The following TSHZ3 variants were observed in gnomAD, a reference collection of about 807,000 sequenced individuals.
TSHZ3 encodes the protein teashirt homolog 3.
In TSHZ3, 10 loss-of-function variants were observed where a neutral mutation model predicts 64.5. The observed-to-expected ratio is 0.16, with a 90% CI of 0.10 to 0.26. The LOEUF (loss-of-function observed/expected upper bound fraction) is 0.26. TSHZ3 is among the 10% of genes least tolerant of loss of function. The pLI, the probability that TSHZ3 is intolerant of heterozygous loss-of-function variation, is 1.00. For synonymous variants in TSHZ3, 608 were observed against 593.1 expected (o/e 1.03, Z -0.36); for missense variants, 1,242 against 1,421.7 (o/e 0.87, Z 2.03).
At chr19:31,313,065 G>C (rs75588167) in intron 1 of TSHZ3, among the ~76,000 whole-genome samples, 5 of 152,116 alleles carry the variant, frequency 3.3e-5, no homozygotes, top group Non-Finnish European at 5.9e-5. Context: ...GTGGTATGCA[G>C]AAACGTCAAA....
intron 1 of TSHZ3, among the ~76,000 whole-genome samples, chr19:31,269,866 G>A (rs1344026112): frequency 6.6e-6 from 1 of 152,218 alleles, no homozygotes; most frequent in Non-Finnish European, 1.5e-5. Flanking sequence ...AGGCCTAATG[G>A]GGTCTGCAGT....
At chr19:31,260,262 G>A (rs773237439) in intron 1 of TSHZ3, among the ~76,000 whole-genome samples, 2 of 151,956 alleles carry the variant, frequency 1.3e-5, no homozygotes, top group Non-Finnish European at 2.9e-5. Flanking sequence ...CAGTCCCCCC[G>A]CCCAGGTCTC....
intron 5 of TSHZ3, among the ~76,000 whole-genome samples, chr19:31,160,694 A>G (rs1974364239): frequency 6.6e-6 from 1 of 152,044 alleles, no homozygotes; most frequent in South Asian, 2.1e-4. Flanking sequence ...ACACACATGC[A>G]TACACACATA....
At chr19:31,223,115 C>G (rs757731832) in intron 4 of TSHZ3, among the ~76,000 whole-genome samples, 1 of 152,148 alleles carries the variant, frequency 6.6e-6, no homozygotes, top group Non-Finnish European at 1.5e-5. Context: ...AGCCCTGTTT[C>G]TCTTGGACAT....
chr19:31,246,460 A>G (rs1266647357), intron 1 of TSHZ3, among the ~76,000 whole-genome samples: 1 of 152,244 alleles, frequency 6.6e-6, no homozygotes, highest in Non-Finnish European at 1.5e-5. Context: ...AAACAAATAA[A>G]TATACTATAG....
intron 4 of TSHZ3, among the ~76,000 whole-genome samples, chr19:31,211,549 A>G (rs569583191): frequency 6.6e-6 from 1 of 152,318 alleles, no homozygotes; most frequent in Non-Finnish European, 1.5e-5. Context: ...GTGGTGAGGA[A>G]GGGCATCCCA....
chr19:31,214,244 G>A (rs941354774), intron 4 of TSHZ3, among the ~76,000 whole-genome samples: 22 of 152,300 alleles, frequency 1.4e-4, no homozygotes, highest in African/African-American at 5.3e-4. Flanking sequence ...CAGGAACTGG[G>A]TCCCAGCCGC....
intron 3 of TSHZ3, among the ~76,000 whole-genome samples, chr19:31,236,772 G>A (rs9917063): frequency 0.021 from 3,257 of 152,286 alleles, 122 homozygotes; most frequent in African/African-American, 0.075. Context: ...ATAAGTTCTT[G>A]GCTATGACAC....
At chr19:31,231,722 G>T (rs1035596765) in intron 3 of TSHZ3, among the ~76,000 whole-genome samples, 2 of 152,076 alleles carry the variant, frequency 1.3e-5, no homozygotes, top group African/African-American at 2.4e-5. Flanking sequence ...CTGCTTTATA[G>T]GGGAGGAAAT....
Position 31,192,027 on chromosome 19 carries a change from T to C in TSHZ3, n.809+12929A>G, listed in dbSNP as rs1013238520. Reference sequence around the variant, plus strand: ...TATAATGGAGATGTGGATAGAAATGTACTATTGGAATGTTCTTCATTATAC... The same window carrying C: ...TATAATGGAGATGTGGATAGAAATGCACTATTGGAATGTTCTTCATTATAC... On this transcript the variant is annotated intron_variant and non_coding_transcript_variant, in intron 5 of 6. Coordinates refer to the TSHZ3 transcript ENST00000651361. 2.0e-5 allele frequency among the ~76,000 whole-genome samples: 3 copies of C among 152,324 alleles called. No homozygotes were observed. In the East Asian group the frequency reaches 5.8e-4, roughly 29 times the overall value.
chr19:31,302,498 T>G (rs1251595246), intron 1 of TSHZ3, among the ~76,000 whole-genome samples: 2 of 152,220 alleles, frequency 1.3e-5, no homozygotes, highest in South Asian at 2.1e-4. Context: ...ACATGAAAAT[T>G]TAAAGCAAAA....
intron 5 of TSHZ3, among the ~76,000 whole-genome samples, chr19:31,173,785 A>G (rs1326150107): frequency 6.6e-6 from 1 of 152,234 alleles, no homozygotes; most frequent in Non-Finnish European, 1.5e-5. Context: ...AGATGTAAAC[A>G]GATTTATTAT....
chr19:31,291,214 G>A (rs1357944595), intron 1 of TSHZ3, among the ~76,000 whole-genome samples: 1 of 152,220 alleles, frequency 6.6e-6, no homozygotes, highest in African/African-American at 2.4e-5. Context: ...TCAGAGCCCA[G>A]GATGAGTCCT....
intron 1 of TSHZ3, chr19:31,308,550 CTCGA>C (rs1456846032): frequency 2.5e-6 from 1 of 396,808 alleles, no homozygotes; most frequent in African/African-American, 2.1e-5. Context: ...GAGACTGGCT[CTCGA>C]TCCTTTTTGG....
intron 4 of TSHZ3, among the ~76,000 whole-genome samples, chr19:31,219,353 A>T (rs903873676): frequency 1.3e-5 from 2 of 152,184 alleles, no homozygotes; most frequent in African/African-American, 4.8e-5. Context: ...AAAGGGCTCA[A>T]CACAGCAGAA....
At chr19:31,308,354 T>C (rs1009590710) in intron 1 of TSHZ3, 1 of 289,806 alleles carries the variant, frequency 3.5e-6, no homozygotes, top group Non-Finnish European at 6.3e-6. Context: ...ATAAAAATCA[T>C]GGCAAGGGTT....
At chr19:31,345,341 T>G (rs543413187) in intron 1 of TSHZ3, among the ~76,000 whole-genome samples, 1 of 152,196 alleles carries the variant, frequency 6.6e-6, no homozygotes, top group Admixed American at 6.5e-5. Context: ...GAATGCTCCA[T>G]GTGCTTCCAA....
intron 5 of TSHZ3, among the ~76,000 whole-genome samples, chr19:31,188,312 G>A (rs1160486758): frequency 1.3e-5 from 2 of 151,696 alleles, no homozygotes; most frequent in Non-Finnish European, 2.9e-5. Flanking sequence ...AATTCTACAT[G>A]TATAAATAAT....
intron 6 of TSHZ3, among the ~76,000 whole-genome samples, chr19:31,155,951 A>G (rs1377762593): frequency 6.6e-6 from 1 of 152,222 alleles, no homozygotes; most frequent in East Asian, 1.9e-4. Flanking sequence ...GCACAATAAG[A>G]ATATACCCTG....
Sources: allele counts gnomAD v4.1 joint callset (sites outside exome capture counted in the v4.1 genomes callset), GRCh38; gene constraint gnomAD v4.1.1; transcripts MANE v1.5; gene names NCBI Gene and HGNC (gene_info 2026-07-23, HGNC 2026-07-21).